The following ABHD2 variants were observed in gnomAD, a reference collection of about 807,000 sequenced individuals.
ABHD2 encodes the protein monoacylglycerol lipase ABHD2.
A neutral mutation model predicts 48.1 loss-of-function variants in ABHD2; 20 were observed. The observed-to-expected ratio is 0.42, with a 90% CI of 0.29 to 0.60. ABHD2 has a LOEUF of 0.60. Ranked by LOEUF, ABHD2 falls within the 20% of genes least tolerant of loss-of-function variation. The probability of loss-of-function intolerance (pLI) is 0.24; values close to 1 mark genes in which losing one functional copy is unlikely to be tolerated. For synonymous variants in ABHD2, 209 were observed against 214.2 expected, an observed-to-expected ratio of 0.98 and a Z score of 0.21; for missense variants, 405 against 550.9, an observed-to-expected ratio of 0.74 and a Z score of 2.65.
Position 89,200,767 on chromosome 15 carries a change from A to G in ABHD2, c.*5344A>G, listed in dbSNP as rs1172156919. 4.0e-6 allele frequency: 1 copy of G among 252,732 alleles called. No homozygotes were observed. The highest frequency in any genetic ancestry group is 7.9e-6 in the Non-Finnish European group (1 of 126,430). 15.7% of individuals were successfully genotyped at this position (252,732 alleles called of 1,614,324 possible). A position where few individuals can be genotyped will look rare whatever the true frequency, so the allele number is the denominator to read the frequency against. On this transcript the variant is annotated 3_prime_UTR_variant, in exon 11 of 11. Coordinates refer to ENST00000352732, the MANE Select transcript of ABHD2 (RefSeq NM_152924.5). ...AATAGCACTCTGCATGCTTTGCTCT[A>G]CAAGACGAATTTCCCTAGAAAGAAT...
chr15:89,053,361 G>A, the ABHD2 span, among the ~76,000 whole-genome samples: 2 of 151,714 alleles, frequency 1.3e-5, no homozygotes, highest in African/African-American at 4.9e-5. Context: ...AACTAATACA[G>A]GTATTAGAGT....
chr15:89,055,445 G>A, the ABHD2 span, among the ~76,000 whole-genome samples: 1 of 149,484 alleles, frequency 6.7e-6, no homozygotes, highest in Non-Finnish European at 1.5e-5. Flanking sequence ...TCTCTCTCCT[G>A]CCTCAGCCTC....
In ABHD2 at chr15:89,201,788, G is replaced by A. The variant is rs374827049; in HGVS notation, c.*6365G>A. ...TCTGCTCGTGCTTCGCCGTGGCCCC[G>A]GAGGCAGACGCCATTGGAGAGACAG... On this transcript the variant is annotated 3_prime_UTR_variant, in exon 11 of 11. Transcript: ENST00000352732. 1.0e-4 allele frequency: 146 copies of A among 1,427,460 alleles called. No individual in the cohort carries two copies. The highest frequency in any genetic ancestry group is 3.8e-4 in the African/African-American group (27 of 70,624). The allele number at this position is 1,427,460 out of a possible 1,614,324, so 88.4% of individuals were successfully genotyped here.
At position 89,166,954 on chromosome 15, in the gene ABHD2, T is replaced by G. The variant is rs1179750628; in HGVS notation, c.539-8858T>G. Among the ~76,000 whole-genome samples, 4 of 152,160 alleles carry G rather than the reference T, an allele frequency of 2.6e-5. No homozygotes were observed. The East Asian group carries it at 7.7e-4, about 29-fold the overall frequency. Reference sequence around the variant, plus strand: ...ATTACACATTCCAATTGAGACACTTTTGAGAGTAAAAAGGGACTTTATTAA... The same window carrying G: ...ATTACACATTCCAATTGAGACACTTGTGAGAGTAAAAAGGGACTTTATTAA... On this transcript the variant is annotated intron_variant, in intron 5 of 10. Transcript: ENST00000352732. This position sits in a 1 kb window ranked among gnomAD's most constrained non-coding sequence, Gnocchi z 4.6.
chr15:89,079,241 T>C, the ABHD2 span, among the ~76,000 whole-genome samples: 4 of 152,212 alleles, frequency 2.6e-5, no homozygotes, highest in African/African-American at 4.8e-5. The surrounding 1 kb of genome is among the most constrained non-coding windows in gnomAD (Gnocchi z 4.3). Context: ...AAAATGTAGA[T>C]TCAGCGAGTG....
In ABHD2 at chr15:89,195,653, C is replaced by G; in HGVS notation, c.*230C>G. On this transcript the variant is annotated 3_prime_UTR_variant, in exon 11 of 11. Transcript: ENST00000352732. The surrounding 1 kb of genome is among the most constrained non-coding windows in gnomAD (Gnocchi z 5.1). Reference sequence around the variant, plus strand: ...TCCATTGCATTGTTAGGCATGGTGACAAGTGACAGAGTTCTTGCCCTCTGT... The same window carrying G: ...TCCATTGCATTGTTAGGCATGGTGAGAAGTGACAGAGTTCTTGCCCTCTGT... 4 of 477,812 alleles carry G rather than the reference C, an allele frequency of 8.4e-6. No individual in the cohort carries two copies. Among genetic ancestry groups the G allele is most frequent in the Non-Finnish European group, 7.4e-6 (2 of 270,146 alleles). The allele number at this position is 477,812 out of a possible 1,614,324, so 29.6% of individuals were successfully genotyped here.
At chr15:89,133,832 TA>T (rs2050257904) in intron 3 of ABHD2, among the ~76,000 whole-genome samples, 1 of 126,310 alleles carries the variant, frequency 7.9e-6, no homozygotes, top group Non-Finnish European at 1.6e-5. Flanking sequence ...TTGCCATGCA[TA>T]ATTTTTTTTT....
At chr15:89,158,209 G>A (rs945879895) in intron 5 of ABHD2, among the ~76,000 whole-genome samples, 10 of 152,152 alleles carry the variant, frequency 6.6e-5, no homozygotes, top group Non-Finnish European at 8.8e-5. Flanking sequence ...CCATGGGACC[G>A]TAAAATTCTG....
At chr15:89,135,996 A>G (rs1458969802) in intron 3 of ABHD2, 23 of 285,224 alleles carry the variant, frequency 8.1e-5, no homozygotes, top group Non-Finnish European at 1.3e-4. Flanking sequence ...GCGCAATCTC[A>G]GCTCACTGCA....
the ABHD2 span, among the ~76,000 whole-genome samples, chr15:89,060,691 C>G: frequency 3.3e-3 from 506 of 152,124 alleles, 5 homozygotes; most frequent in Middle Eastern, 0.037. Flanking sequence ...GCTTTTTCCT[C>G]CAGATTTTAA....
At chr15:89,063,547 GAC>G in the ABHD2 span, among the ~76,000 whole-genome samples, 3 of 150,242 alleles carry the variant, frequency 2.0e-5, no homozygotes, top group Admixed American at 6.7e-5. Context: ...CACACACACA[GAC>G]ACACACACAC....
chr15:89,149,493 G>C (rs1168748689), intron 3 of ABHD2, among the ~76,000 whole-genome samples: 1 of 152,188 alleles, frequency 6.6e-6, no homozygotes, highest in East Asian at 1.9e-4. Context: ...TCTGGGGATA[G>C]AGCTAGAGGT....
At chr15:89,074,112 G>A in the ABHD2 span, among the ~76,000 whole-genome samples, 1 of 151,990 alleles carries the variant, frequency 6.6e-6, no homozygotes, top group Admixed American at 6.6e-5. Context: ...GGTGGCTCAC[G>A]CCTGTAATCC....
chr15:89,086,776 T>C (rs1025269834), upstream of ABHD2, among the ~76,000 whole-genome samples: 1 of 152,240 alleles, frequency 6.6e-6, no homozygotes, highest in African/African-American at 2.4e-5. Context: ...TATATACTTA[T>C]CTAGTGATAA....
chr15:89,126,051 T>C (rs2050126225), intron 3 of ABHD2, among the ~76,000 whole-genome samples: 1 of 152,194 alleles, frequency 6.6e-6, no homozygotes, highest in Admixed American at 6.5e-5. Flanking sequence ...AATTCTGGTT[T>C]CCAAAAATGT....
chr15:89,042,346 T>C, the ABHD2 span, among the ~76,000 whole-genome samples: 2 of 152,166 alleles, frequency 1.3e-5, no homozygotes, highest in African/African-American at 4.8e-5. Context: ...CTCAAACATC[T>C]TTTTACCAGG....
In ABHD2 at chr15:89,201,822, A is replaced by T; in HGVS notation, c.*6399A>T. 4.0e-6 allele frequency: 5 copies of T among 1,245,654 alleles called. No homozygotes were observed. The highest frequency in any genetic ancestry group is 1.5e-5 in the African/African-American group (1 of 65,778). The allele number at this position is 1,245,654 out of a possible 1,614,324, so 77.2% of individuals were successfully genotyped here. On this transcript the variant is annotated 3_prime_UTR_variant, in exon 11 of 11. Coordinates refer to ENST00000352732, the MANE Select transcript of ABHD2 (RefSeq NM_152924.5). ...CGCCATTGGAGAGACAGCGCAGAGC[A>T]GGGGGCGGCTTGCTCGCTGGGGGCG...
intron 10 of ABHD2, among the ~76,000 whole-genome samples, chr15:89,194,158 C>A (rs1306177946): frequency 6.6e-6 from 1 of 152,040 alleles, no homozygotes; most frequent in Admixed American, 6.6e-5. Flanking sequence ...AAATCCGGTT[C>A]TGCTATCTCT....
In ABHD2 at chr15:89,186,297, T is replaced by C. The variant is rs2051209062; in HGVS notation, c.815+781T>C. On this transcript the variant is annotated intron_variant, in intron 7 of 10. Transcript: ENST00000352732. This position sits in a 1 kb window ranked among gnomAD's most constrained non-coding sequence, Gnocchi z 4.3. ...CTTGTCCTGCCTCTCCGCCTCGTAA[T>C]CCTGTGGTGGGTTAACCTGTCAAGT... Among the ~76,000 whole-genome samples the C allele has an allele frequency of 6.6e-6, 1 of 152,172 alleles. No individual in the cohort carries two copies. The highest frequency in any genetic ancestry group is 6.5e-5 in the Admixed American group (1 of 15,276).
Sources: gnomAD v4.1 joint callset for allele counts (sites outside exome capture counted in the v4.1 genomes callset) on GRCh38, gnomAD v4.1.1 for gene constraint, Gnocchi (gnomAD v3.1) non-coding constraint, MANE v1.5 for transcripts, NCBI Gene and HGNC (gene_info 2026-07-23, HGNC 2026-07-21) for gene names.